Variants in UPF2 observed in about 807,000 individuals in gnomAD.
The protein encoded by UPF2 is UPF2 regulator of nonsense mediated mRNA decay.
A neutral mutation model predicts 141.4 loss-of-function variants in UPF2; 17 were observed. The ratio of observed to expected loss-of-function variants is 0.12; its 90% CI spans 0.08 to 0.18. The LOEUF is 0.18. UPF2 is among the 10% of genes least tolerant of loss of function. UPF2 has a pLI of 1.00. For missense variants in UPF2, 1,152 were observed against 1,515.9 expected (o/e 0.76, Z 3.99); for synonymous variants, 540 against 498.0 (o/e 1.08, Z -1.12).
chr10:11,949,780 A>G (rs368472390), intron 15 of UPF2, among the ~76,000 whole-genome samples: 33 of 152,306 alleles, frequency 2.2e-4, no homozygotes, highest in African/African-American at 7.5e-4. Flanking sequence ...GCCAATTACC[A>G]TTTTAGTTTT....
At chr10:11,954,085 T>C (rs1234110470) in intron 14 of UPF2, among the ~76,000 whole-genome samples, 20 of 152,164 alleles carry the variant, frequency 1.3e-4, no homozygotes. Context: ...TTATGGGAAA[T>C]AGTAATTGGG....
At chr10:11,969,902 T>C (rs1833387357) in intron 9 of UPF2, among the ~76,000 whole-genome samples, 1 of 152,214 alleles carries the variant, frequency 6.6e-6, no homozygotes, top group South Asian at 2.1e-4. Flanking sequence ...TTTGGACCAG[T>C]AAGGGTTCAA....
rs1833553904 is a variant in UPF2 at position 11,979,192 on chromosome 10, C to T, written c.1845-27G>A. The T allele has an allele frequency of 6.6e-7, 1 of 1,517,610 alleles. No homozygotes were observed. Among genetic ancestry groups the T allele is most frequent in the Middle Eastern group, 1.7e-4 (1 of 5,852 alleles). The allele number at this position is 1,517,610 out of a possible 1,614,324, so 94.0% of individuals were successfully genotyped here. On this transcript the variant is annotated intron_variant, in intron 8 of 21. Transcript: ENST00000357604. This position sits in a 1 kb window ranked among gnomAD's most constrained non-coding sequence, Gnocchi z 6.2. ...TGCAAAAGTTATATGTGATATGTGT[C>T]AAAGGAAAGACATATCAAAAATAAT...
At position 11,931,804 on chromosome 10, in the gene UPF2, G is replaced by A; in HGVS notation, c.3547-22C>T. 6.3e-7 allele frequency: 1 copy of A among 1,581,864 alleles called. No individual in the cohort carries two copies. Among genetic ancestry groups the A allele is most frequent in the Non-Finnish European group, 8.5e-7 (1 of 1,170,842 alleles). On this transcript the variant is annotated intron_variant, in intron 19 of 21. Transcript: ENST00000357604. This position sits in a 1 kb window ranked among gnomAD's most constrained non-coding sequence, Gnocchi z 5.9. ...TAAACTGGGAGAAAATAACAAAGGA[G>A]TTACAAATAGTTTGAGAACACTGAG...
chr10:12,010,481 C>A (rs557496890), intron 4 of UPF2, among the ~76,000 whole-genome samples: 4 of 152,012 alleles, frequency 2.6e-5, no homozygotes, highest in South Asian at 4.2e-4. Context: ...TTATTAGACA[C>A]CGTAGAAGAA....
Position 12,029,055 on chromosome 10 carries a change from T to C in UPF2, c.835A>G (p.Thr279Ala), listed in dbSNP as rs766041076. 15 of 1,614,222 alleles carry C rather than the reference T, an allele frequency of 9.3e-6. No individual in the cohort carries two copies. The highest frequency in any genetic ancestry group is 1.1e-5 in the Non-Finnish European group (13 of 1,180,044). ...ATTAAGGAAAGACCTTCCTTGTCAG[T>C]GAAAATCCCAACTATTGTCAATTCT... ...IAELTIVGIF[T>A]DKEGLSLIYE... The change falls in exon 3 of 22, where the codon ACT becomes GCT. Residue 279 changes from threonine to alanine, a missense_variant. Coordinates refer to ENST00000357604, the MANE Select transcript of UPF2 (RefSeq NM_015542.4).
chr10:12,017,817 C>CGT (rs1834250176), intron 3 of UPF2, among the ~76,000 whole-genome samples: 1 of 152,042 alleles, frequency 6.6e-6, no homozygotes, highest in South Asian at 2.1e-4. Flanking sequence ...TAGGTATACA[C>CGT]GTGCCATGGT....
Position 12,016,568 on chromosome 10 carries a change from C to T in UPF2, c.1146-2384G>A, listed in dbSNP as rs1054645166. 6.6e-6 allele frequency among the ~76,000 whole-genome samples: 1 copy of T among 151,946 alleles called. No homozygotes were observed. Among genetic ancestry groups the T allele is most frequent in the African/African-American group, 2.4e-5 (1 of 41,366 alleles). On this transcript the variant is annotated intron_variant, in intron 3 of 21. Transcript: ENST00000357604. This position sits in a 1 kb window ranked among gnomAD's most constrained non-coding sequence, Gnocchi z 4.1. Reference sequence around the variant, plus strand: ...AATTAGCCGGGTGTGGTGGTAGGTGCCTGTAATCCCAGCTACTTGGGAGGC... The same window carrying T: ...AATTAGCCGGGTGTGGTGGTAGGTGTCTGTAATCCCAGCTACTTGGGAGGC...
intron 3 of UPF2, chr10:12,026,698 T>C (rs1441236050): frequency 4.5e-6 from 2 of 447,528 alleles, no homozygotes; most frequent in Admixed American, 4.9e-5. Flanking sequence ...TCCTCCAGGC[T>C]GGAGTGCAAT....
chr10:12,024,931 C>CAA (rs61678431), intron 3 of UPF2, among the ~76,000 whole-genome samples: 956 of 53,486 alleles, frequency 0.018, 234 homozygotes, highest in African/African-American at 0.055. Flanking sequence ...GACCCTGTTA[C>CAA]AAAAAAAAAA....
chr10:12,007,548 C>T (rs1289594529), intron 4 of UPF2, among the ~76,000 whole-genome samples: 2 of 151,964 alleles, frequency 1.3e-5, no homozygotes, highest in South Asian at 2.1e-4. Context: ...TAATTTCCGT[C>T]GGCCGGGCAC....
chr10:11,954,875 G>A (rs1469128377), intron 14 of UPF2, among the ~76,000 whole-genome samples: 1 of 148,640 alleles, frequency 6.7e-6, no homozygotes, highest in Non-Finnish European at 1.5e-5. Context: ...ACATGAGTGA[G>A]AAGAGAACAT....
chr10:11,921,576 A>G lies in UPF2; in HGVS notation c.3810-269T>C, dbSNP rs1197515277. Among the ~76,000 whole-genome samples the G allele has an allele frequency of 2.0e-5, 3 of 152,262 alleles. No individual in the cohort carries two copies. The highest frequency in any genetic ancestry group is 7.2e-5 in the African/African-American group (3 of 41,482). ...TTATTAGGTATTACAAGTAATGTAG[A>G]GATGATGTAAAGTACACGGGAGGAT... On this transcript the variant is annotated intron_variant, in intron 21 of 21. Transcript: ENST00000357604. The surrounding 1 kb of genome is among the most constrained non-coding windows in gnomAD (Gnocchi z 5.9).
intron 4 of UPF2, 60 bp downstream of exon 4, chr10:12,013,964 T>C: frequency 7.2e-7 from 1 of 1,395,868 alleles, no homozygotes; most frequent in East Asian, 2.6e-5. Context: ...CTGATAAGCC[T>C]AAAGGTAAGT....
chr10:11,946,748 T>G (rs1833005416), intron 16 of UPF2, among the ~76,000 whole-genome samples: 1 of 152,224 alleles, frequency 6.6e-6, no homozygotes, highest in South Asian at 2.1e-4. Flanking sequence ...TGATCGACTT[T>G]TTTTTTCAAT....
chr10:11,995,781 CA>C (rs112151186), intron 8 of UPF2, among the ~76,000 whole-genome samples: 8,285 of 150,650 alleles, frequency 0.055, 288 homozygotes, highest in Non-Finnish European at 0.08. Context: ...GACTCTGTAT[CA>C]AAAAAAAAGA....
intron 21 of UPF2, among the ~76,000 whole-genome samples, chr10:11,929,422 AG>A (rs1427368747): frequency 6.6e-6 from 1 of 152,198 alleles, no homozygotes; most frequent in Non-Finnish European, 1.5e-5. Context: ...AGATGGCTTG[AG>A]CTCAGGAGTT....
At position 12,035,296 on chromosome 10, in the gene UPF2, A is replaced by G. The variant is rs757729434; in HGVS notation, c.128T>C (p.Leu43Pro). ...CTTGCTGACCTCCTTCTTGGCAGTG[A>G]GCTTGATATCGTCTTTTGGCCTCTC... ...SKERPKDDIK[L>P]TAKKEVSKAP... is the part of the protein sequence containing the mutation. Residue 43 changes from leucine (L) to proline (P), a missense_variant, in exon 2 of 22, where the codon CTC (leucine) becomes CCC (proline). Leu to Pro is a moderately conservative substitution (Grantham distance 98). Coordinates refer to ENST00000357604, the MANE Select transcript of UPF2 (RefSeq NM_015542.4). The G allele has an allele frequency of 6.2e-7, 1 of 1,613,636 alleles. No individual in the cohort carries two copies. The highest frequency in any genetic ancestry group is 1.3e-5 in the African/African-American group (1 of 74,740).
chr10:11,955,675 C>G (rs1400499565), intron 13 of UPF2, among the ~76,000 whole-genome samples, 168 bp from the exon 14 acceptor site: 1 of 152,134 alleles, frequency 6.6e-6, no homozygotes, highest in Non-Finnish European at 1.5e-5. Context: ...CCTTTTCTCT[C>G]TCTAGGAAAT....
Sources: allele counts gnomAD v4.1 joint callset (sites outside exome capture counted in the v4.1 genomes callset), GRCh38; gene constraint gnomAD v4.1.1; non-coding constraint Gnocchi (gnomAD v3.1); transcripts MANE v1.5; gene names NCBI Gene and HGNC (gene_info 2026-07-23, HGNC 2026-07-21).